DHTKD1: variants seen among roughly 807,000 people sequenced by gnomAD.
DHTKD1 encodes the protein 2-oxoadipate dehydrogenase complex component E1.
In DHTKD1, 78 loss-of-function variants were observed where a neutral mutation model predicts 101.8. The ratio of observed to expected loss-of-function variants is 0.77; its 90% CI spans 0.64 to 0.93. The LOEUF (loss-of-function observed/expected upper bound fraction) is 0.93. Ranked by LOEUF, DHTKD1 falls within the 40% of genes least tolerant of loss-of-function variation. DHTKD1 has a pLI of 0.00. For synonymous variants in DHTKD1, 462 were observed against 450.3 expected (o/e 1.03, Z -0.33); for missense variants, 1,223 against 1,161.7 (o/e 1.05, Z -0.77).
chr10:12,108,969 C>A (rs555732246), intron 12 of DHTKD1, among the ~76,000 whole-genome samples: 1 of 151,942 alleles, frequency 6.6e-6, no homozygotes, highest in African/African-American at 2.4e-5. Flanking sequence ...CTGGCTAACA[C>A]AGAGAAACCC....
rs748717694 is a variant in DHTKD1 at position 12,101,078 on chromosome 10, G to A, written c.1793G>A (p.Arg598His). ...NVRLSGQDVG[R>H]GTFSQRHAIV... ...CGTCTAAGTGGCCAAGATGTTGGTCGTGGAACTTTCAGTCAGAGGCATGCA... is the reference window on the plus strand; with the variant it reads ...CGTCTAAGTGGCCAAGATGTTGGTCATGGAACTTTCAGTCAGAGGCATGCA... Residue 598 changes from arginine to histidine, a missense_variant, in exon 10 of 17, where the codon CGT becomes CAT. Physicochemically the swap from Arg to His is conservative, Grantham distance 29. Coordinates refer to ENST00000263035, the MANE Select transcript of DHTKD1 (RefSeq NM_018706.7). 14 of 1,614,024 alleles carry A rather than the reference G, an allele frequency of 8.7e-6. No individual in the cohort carries two copies. Among genetic ancestry groups the A allele is most frequent in the Non-Finnish European group, 1.1e-5 (13 of 1,180,010 alleles).
At chr10:12,114,130 C>G (rs910900397) in intron 13 of DHTKD1, among the ~76,000 whole-genome samples, 1 of 150,870 alleles carries the variant, frequency 6.6e-6, no homozygotes, top group African/African-American at 2.4e-5. Context: ...TTAACACATA[C>G]GTAGGTTTAC....
intron 13 of DHTKD1, among the ~76,000 whole-genome samples, chr10:12,117,280 G>A (rs190278811): frequency 0.016 from 2,360 of 149,222 alleles, 64 homozygotes; most frequent in African/African-American, 0.056. Flanking sequence ...AAAGTGCTGG[G>A]ATTACAGGCA....
intron 8 of DHTKD1, among the ~76,000 whole-genome samples, chr10:12,099,599 A>C (rs1833124347): frequency 6.6e-6 from 1 of 152,042 alleles, no homozygotes; most frequent in African/African-American, 2.4e-5. Flanking sequence ...GAGGCAGGAG[A>C]ATCACTTGAA....
At position 12,122,576 on chromosome 10, in the gene DHTKD1, C is replaced by A. The variant is rs1833543056; in HGVS notation, c.*1688C>A. 6.6e-6 allele frequency: 1 copy of A among 152,024 alleles called. No individual in the cohort carries two copies. The highest frequency in any genetic ancestry group is 2.1e-4 in the South Asian group (1 of 4,820). 9.4% of individuals were successfully genotyped at this position (152,024 alleles called of 1,614,324 possible). ...GAGGTTGCAGTGAGCTGAGATCCTGCCACTGCACTCCAGTCTGGGTGACAG... is the reference window on the plus strand; with the variant it reads ...GAGGTTGCAGTGAGCTGAGATCCTGACACTGCACTCCAGTCTGGGTGACAG... On this transcript the variant is annotated 3_prime_UTR_variant, in exon 17 of 17. Coordinates refer to ENST00000263035, the MANE Select transcript of DHTKD1 (RefSeq NM_018706.7).
chr10:12,118,398 T>TG (rs1439530505), intron 14 of DHTKD1, among the ~76,000 whole-genome samples: 2 of 151,228 alleles, frequency 1.3e-5, no homozygotes, highest in Non-Finnish European at 3.0e-5. Flanking sequence ...TTTTTTTTTT[T>TG]TTGAGGTTGA....
rs1210260464 is a variant in DHTKD1 at position 12,088,971 on chromosome 10, A to G, written c.718-15A>G. 5 of 1,600,492 alleles carry G rather than the reference A, an allele frequency of 3.1e-6. No individual in the cohort carries two copies. Among genetic ancestry groups the G allele is most frequent in the South Asian group, 1.1e-5 (1 of 89,978 alleles). ...ATGAATGCCATTTTTTTCCTTTTGA[A>G]TGTATCCACAATAGCTGATGTTCCG... On this transcript the variant is annotated splice_polypyrimidine_tract_variant and intron_variant, in intron 4 of 16. Transcript: ENST00000263035.
chr10:12,079,815 T>G (rs948322743), intron 1 of DHTKD1, among the ~76,000 whole-genome samples: 1 of 152,230 alleles, frequency 6.6e-6, no homozygotes, highest in African/African-American at 2.4e-5. Flanking sequence ...AATAGAACCC[T>G]TAGCAATTTA....
chr10:12,116,548 G>A (rs1473544745), intron 13 of DHTKD1, among the ~76,000 whole-genome samples: 6 of 151,430 alleles, frequency 4.0e-5, no homozygotes, highest in East Asian at 2.0e-4. Flanking sequence ...GCACCACCAC[G>A]CCCAGCTAAC....
intron 12 of DHTKD1, among the ~76,000 whole-genome samples, chr10:12,108,608 C>T (rs1164840404): frequency 6.6e-6 from 1 of 152,112 alleles, no homozygotes; most frequent in African/African-American, 2.4e-5. Context: ...AATATCCTGC[C>T]AGAAATAGCC....
intron 12 of DHTKD1, 129 bp from the exon 13 acceptor site, chr10:12,112,771 G>T: frequency 3.3e-6 from 3 of 895,536 alleles, no homozygotes; most frequent in Non-Finnish European, 5.0e-6. Flanking sequence ...ATATTTTTCT[G>T]TAATGTTGGG....
intron 1 of DHTKD1, among the ~76,000 whole-genome samples, chr10:12,070,900 A>T (rs1832641763): frequency 6.6e-6 from 1 of 152,186 alleles, no homozygotes; most frequent in Non-Finnish European, 1.5e-5. Context: ...AAGTGACAAG[A>T]TACAATGAAC....
chr10:12,080,225 G>A (rs1722447), intron 1 of DHTKD1, among the ~76,000 whole-genome samples: 151,050 of 151,396 alleles, frequency 1, 75,356 homozygotes, highest in Middle Eastern at 1. Flanking sequence ...GCATGAACCC[G>A]GGAGGTGGAG....
chr10:12,094,199 G>A lies in DHTKD1; in HGVS notation c.1286G>A (p.Cys429Tyr). The A allele has an allele frequency of 4.3e-6, 7 of 1,614,190 alleles. No homozygotes were observed. The highest frequency in any genetic ancestry group is 5.9e-6 in the Non-Finnish European group (7 of 1,180,046). ...FRKDVIIDLL[C>Y]YRQWGHNELD... is the part of the protein sequence containing the mutation. ...AAGGATGTGATTATTGATCTGTTGT[G>A]CTACAGGCAGTGGGGCCACAATGAG... The change falls in exon 7 of 17, where the codon TGC becomes TAC. Residue 429 changes from cysteine to tyrosine, a missense_variant. Physicochemically the swap from Cys to Tyr is radical, Grantham distance 194. Transcript: ENST00000263035.
Position 12,081,510 on chromosome 10 carries a change from G to T in DHTKD1, c.193G>T (p.Glu65Ter), listed in dbSNP as rs1389298222. The T allele has an allele frequency of 3.1e-6, 5 of 1,613,972 alleles. No homozygotes were observed. In the East Asian group the frequency reaches 6.7e-5, roughly 22 times the overall value. Residue 65 changes from glutamate (E) to a stop codon, truncating the protein, a stop_gained, in exon 2 of 17, where the codon GAG (glutamate) becomes TAG (stop). Transcript: ENST00000263035. LOFTEE classifies it high-confidence loss of function. Reference protein sequence around the residue: ...GLARLVTVYCEHGHKAAKINP... With the variant: ...GLARLVTVYC ...TGCCAGGTTGGTGACAGTATATTGT[G>T]AGCATGGTCATAAAGCTGCCAAAAT...
chr10:12,090,930 T>C (rs1832980804), intron 5 of DHTKD1, among the ~76,000 whole-genome samples: 1 of 152,126 alleles, frequency 6.6e-6, no homozygotes, highest in Admixed American at 6.6e-5. Flanking sequence ...GGCGGGCGCC[T>C]GTAGTCCCAG....
chr10:12,100,363 C>T (rs565510121), intron 9 of DHTKD1, 101 bp downstream of exon 9: 10 of 560,358 alleles, frequency 1.8e-5, no homozygotes, highest in Admixed American at 3.4e-5. Context: ...CTGCAACCTC[C>T]GCCTCCCAGG....
Position 12,081,606 on chromosome 10 carries a change from C to T in DHTKD1, c.289C>T (p.Gln97Ter). The T allele has an allele frequency of 6.2e-7, 1 of 1,614,156 alleles. No homozygotes were observed. The highest frequency in any genetic ancestry group is 8.5e-7 in the Non-Finnish European group (1 of 1,180,034). The change falls in exon 2 of 17, where the codon CAG becomes TAG. Residue 97 changes from glutamine (Q) to a stop codon, truncating the protein, a stop_gained. Transcript: ENST00000263035. LOFTEE classifies it high-confidence loss of function. ...PEIQALVQTL[Q>*]GPFHTAGLLN... ...AATCCAAGCCCTGGTGCAGACACTG[C>T]AGGGACCCTTCCACACGGCAGGTAT...
At chr10:12,079,810 A>G (rs1400419193) in intron 1 of DHTKD1, among the ~76,000 whole-genome samples, 1 of 152,208 alleles carries the variant, frequency 6.6e-6, no homozygotes, top group Non-Finnish European at 1.5e-5. Flanking sequence ...TTCAAAATAG[A>G]ACCCTTAGCA....
Sources: allele counts gnomAD v4.1 joint callset (sites outside exome capture counted in the v4.1 genomes callset), GRCh38; gene constraint gnomAD v4.1.1; transcripts MANE v1.5; gene names NCBI Gene and HGNC (gene_info 2026-07-23, HGNC 2026-07-21).